The following FHL1 variants were observed in gnomAD, a reference collection of about 807,000 sequenced individuals.
FHL1 encodes four and a half LIM domains 1, also known as four and a half LIM domains protein 1.
In FHL1, 1 loss-of-function variant was observed where a neutral mutation model predicts 20.3. That is an observed-to-expected ratio of 0.05 (90% CI 0.02 to 0.23). The LOEUF is 0.23. FHL1 is among the 10% of genes least tolerant of loss of function. The pLI is 1.00. For missense variants in FHL1, 177 were observed against 234.0 expected (o/e 0.76, Z 1.59); for synonymous variants, 82 against 88.9 (o/e 0.92, Z 0.44).
chrX:136,202,626 C>T (rs928254391), intron 1 of FHL1, among the ~76,000 whole-genome samples: 1 of 110,462 alleles, frequency 9.1e-6, no homozygotes, highest in Admixed American at 9.6e-5. Context: ...TGTGGTGTCA[C>T]ATGCCTGTAG....
intron 2 of FHL1, among the ~76,000 whole-genome samples, chrX:136,180,775 T>C (rs971422039): frequency 1.2e-5 from 1 of 86,086 alleles, no homozygotes; most frequent in Non-Finnish European, 2.4e-5. Flanking sequence ...AGAGTCTCAC[T>C]CTCTCGCCCA....
intron 1 of FHL1, among the ~76,000 whole-genome samples, chrX:136,163,022 CAT>C (rs1208938231): frequency 1.8e-5 from 2 of 112,315 alleles, no homozygotes; most frequent in African/African-American, 6.5e-5. Flanking sequence ...GCCCTGCCCT[CAT>C]GTGGCGGAAG....
intron 1 of FHL1, among the ~76,000 whole-genome samples, chrX:136,164,602 A>C (rs760138016): frequency 1.6e-4 from 18 of 111,746 alleles, no homozygotes; most frequent in Non-Finnish European, 3.0e-4. Context: ...TTATGACCAA[A>C]AATTATTCAA....
chrX:136,184,233 C>T (rs2073232353), intron 2 of FHL1, among the ~76,000 whole-genome samples: 1 of 111,692 alleles, frequency 9.0e-6, no homozygotes, highest in South Asian at 3.7e-4. Context: ...AAAAAGTGTT[C>T]CTTATTTTAA....
chrX:136,204,572 T>C (rs1233658756), intron 1 of FHL1: 1 of 112,584 alleles, frequency 8.9e-6, no homozygotes, highest in East Asian at 2.8e-4. Flanking sequence ...CTGGTCTTGC[T>C]AAGTCTCTTA....
At chrX:136,147,644 T>G (rs2072134601) in intron 1 of FHL1, 1 of 106,308 alleles carries the variant, frequency 9.4e-6, no homozygotes, top group Middle Eastern at 4.7e-3. Context: ...CCCGCTTTCT[T>G]TCCGCTTGTG....
rs1006480192 is a variant in FHL1, at chrX:136,210,438, C to T, written c.*413C>T. The T allele has an allele frequency of 3.6e-5, 14 of 391,681 alleles. No homozygotes were observed. The highest frequency in any genetic ancestry group is 2.9e-4 in the African/African-American group (12 of 40,752). The allele number at this position is 391,681 out of a possible 1,213,427, so 32.3% of individuals were successfully genotyped here. On this transcript the variant is annotated 3_prime_UTR_variant, in exon 6 of 6. Transcript: ENST00000370683. ...GACACACGACATGCAAGAGTTGCAG[C>T]GGCTGCTCCAACTCACTGCTCACCC... is the stretch of plus-strand genomic sequence containing the variant.
intron 2 of FHL1, among the ~76,000 whole-genome samples, chrX:136,174,123 A>G (rs1200062387): frequency 9.0e-6 from 1 of 111,526 alleles, no homozygotes; most frequent in Non-Finnish European, 1.9e-5. Context: ...ACCCCTATAG[A>G]CATGTGAGTT....
intron 2 of FHL1, among the ~76,000 whole-genome samples, chrX:136,181,376 G>C (rs768669350): frequency 1.8e-5 from 2 of 111,973 alleles, no homozygotes; most frequent in African/African-American, 6.5e-5. Flanking sequence ...TAGGATGCCG[G>C]AGGCTGGCTA....
At chrX:136,159,974 G>A (rs752499032) in intron 1 of FHL1, among the ~76,000 whole-genome samples, 1 of 112,600 alleles carries the variant, frequency 8.9e-6, no homozygotes, top group African/African-American at 3.2e-5. Context: ...GCTTGTAGAA[G>A]CATAGGCCCA....
At chrX:136,203,266 G>C (rs975892956) in intron 1 of FHL1, among the ~76,000 whole-genome samples, 1 of 112,295 alleles carries the variant, frequency 8.9e-6, no homozygotes, top group Non-Finnish European at 1.9e-5. Flanking sequence ...GTGAATTGTA[G>C]AAATGTATTC....
intron 2 of FHL1, among the ~76,000 whole-genome samples, chrX:136,179,108 A>C (rs192675057): frequency 2.3e-4 from 26 of 112,153 alleles, no homozygotes; most frequent in Admixed American, 2.8e-4. Context: ...CATAATTTCC[A>C]TAAGGTACTC....
At chrX:136,207,211 C>CG in intron 3 of FHL1, 21 bp downstream of exon 3, 2 of 1,188,475 alleles carry the variant, frequency 1.7e-6, no homozygotes, top group Non-Finnish European at 2.3e-6. Context: ...CTTCCCACCC[C>CG]GGGTTCCCAG....
intron 1 of FHL1, among the ~76,000 whole-genome samples, chrX:136,158,524 G>A (rs1348288193): frequency 2.7e-5 from 3 of 110,397 alleles, no homozygotes; most frequent in African/African-American, 6.7e-5. Context: ...CACTTCTCTT[G>A]CACTGCTCTG....
At chrX:136,208,922 G>T (rs915634669) in intron 5 of FHL1, among the ~76,000 whole-genome samples, 34 of 90,008 alleles carry the variant, frequency 3.8e-4, no homozygotes, top group African/African-American at 1.4e-3. Flanking sequence ...CTTTGCAGGG[G>T]GATTCTGGGG....
upstream of FHL1, among the ~76,000 whole-genome samples, chrX:136,167,555 G>A (rs1254146326): frequency 9.0e-6 from 1 of 110,773 alleles, no homozygotes; most frequent in Non-Finnish European, 1.9e-5. Context: ...ACATCTTACA[G>A]GACTAACAAA....
At chrX:136,203,192 A>G (rs2073759018) in intron 1 of FHL1, among the ~76,000 whole-genome samples, 1 of 112,715 alleles carries the variant, frequency 8.9e-6, no homozygotes, top group Non-Finnish European at 1.9e-5. Context: ...CAACAAATCC[A>G]ACATTCCTAG....
At chrX:136,178,603 A>G (rs76632771) in intron 2 of FHL1, among the ~76,000 whole-genome samples, 1 of 102,771 alleles carries the variant, frequency 9.7e-6, no homozygotes, top group Non-Finnish European at 2.0e-5. Context: ...CAAAAAAACA[A>G]ACAGACAAAA....
At chrX:136,191,839 T>C (rs753352869) in intron 2 of FHL1, among the ~76,000 whole-genome samples, 7 of 111,653 alleles carry the variant, frequency 6.3e-5, no homozygotes, top group Non-Finnish European at 1.3e-4. Flanking sequence ...ACCAGCTGGG[T>C]AAATTATAGA....
Sources: allele counts gnomAD v4.1 joint callset (sites outside exome capture counted in the v4.1 genomes callset), GRCh38; gene constraint gnomAD v4.1.1; transcripts MANE v1.5; gene names NCBI Gene and HGNC (gene_info 2026-07-23, HGNC 2026-07-21).